RP1: variants seen among roughly 807,000 people sequenced by gnomAD.
RP1 encodes the protein oxygen-regulated protein 1.
RP1 carries 16 observed loss-of-function variants against 14.8 expected under a neutral mutation model. The ratio of observed to expected loss-of-function variants is 1.08; its 90% CI spans 0.73 to 1.65. The LOEUF (loss-of-function observed/expected upper bound fraction) is 1.65. Ranked by LOEUF, RP1 falls within the 40% of genes most tolerant of loss-of-function variation. RP1 has a pLI of 0.00. For synonymous variants in RP1, 876 were observed against 883.6 expected (o/e 0.99, Z 0.15); for missense variants, 2,631 against 2,535.0 (o/e 1.04, Z -0.81).
rs540337935 is a variant in RP1 at position 54,840,321 on chromosome 8, C to T, written c.3835+2652C>T. ...AGGCTGGAGTGCAGTGGCATGATCT[C>T]GGCTCACTGCAACATCTGCCTCCTA... On this transcript the variant is annotated intron_variant, in intron 25 of 28. Transcript: ENST00000637698. Among the ~76,000 whole-genome samples the T allele has an allele frequency of 7.2e-5, 11 of 151,786 alleles. No homozygotes were observed. The East Asian group carries it at 1.4e-3, about 19-fold the overall frequency.
intron 1 of RP1, among the ~76,000 whole-genome samples, chr8:54,601,477 A>T (rs1407453731): frequency 6.6e-6 from 1 of 151,930 alleles, no homozygotes; most frequent in Non-Finnish European, 1.5e-5. Flanking sequence ...ATGCTAGATG[A>T]CGAGTTAGTG....
At chr8:54,833,702 T>C (rs953470967) in intron 24 of RP1, among the ~76,000 whole-genome samples, 1 of 152,058 alleles carries the variant, frequency 6.6e-6, no homozygotes, top group South Asian at 2.1e-4. Context: ...CGTAATGAAA[T>C]ATAAGCCATA....
intron 23 of RP1, among the ~76,000 whole-genome samples, chr8:54,775,729 T>C (rs1810019414): frequency 6.6e-6 from 1 of 152,236 alleles, no homozygotes; most frequent in South Asian, 2.1e-4. Context: ...TTAGGATAGT[T>C]CGTTATGCAG....
At chr8:54,682,653 T>C (rs1807463590) in intron 12 of RP1, among the ~76,000 whole-genome samples, 1 of 152,164 alleles carries the variant, frequency 6.6e-6, no homozygotes, top group African/African-American at 2.4e-5. Flanking sequence ...ATGGGTTTTT[T>C]TTTCTTGTAA....
intron 12 of RP1, among the ~76,000 whole-genome samples, chr8:54,685,980 A>T (rs1807555572): frequency 6.6e-6 from 1 of 152,200 alleles, no homozygotes; most frequent in Non-Finnish European, 1.5e-5. Context: ...AGCAGCCATC[A>T]CCAACTGCTA....
intron 27 of RP1, among the ~76,000 whole-genome samples, chr8:54,861,138 T>C (rs978534682): frequency 1.3e-5 from 2 of 152,212 alleles, no homozygotes; most frequent in East Asian, 1.9e-4. Flanking sequence ...CCAGGTTACG[T>C]TCTTTTCCCA....
In RP1 at chr8:54,755,771, G is replaced by C; in HGVS notation, c.3093+1G>C. On this transcript the variant is annotated splice_donor_variant, in intron 21 of 22. Transcript: ENST00000636932. LOFTEE classifies it high-confidence loss of function. ...GCAAGTAAAATTTCAAAGAGGACAG[G>C]TGAGTCTATACAAATAATTTCCCAG... 1 of 1,508,892 alleles carries C rather than the reference G, an allele frequency of 6.6e-7. No homozygotes were observed. The highest frequency in any genetic ancestry group is 8.8e-7 in the Non-Finnish European group (1 of 1,132,102). 93.5% of individuals were successfully genotyped at this position (1,508,892 alleles called of 1,614,324 possible).
At position 54,715,697 on chromosome 8, in the gene RP1, C is replaced by G. The variant is rs896323849; in HGVS notation, c.2212-4432C>G. ...AGAGCAAGAGAATAATTCCACTTTT[C>G]TTTATCAAAGAGAGGAGAGGACATT... On this transcript the variant is annotated intron_variant, in intron 15 of 22. Coordinates refer to the RP1 transcript ENST00000636932. 2.7e-4 allele frequency among the ~76,000 whole-genome samples: 41 copies of G among 152,086 alleles called. 1 individual carries two copies. Among genetic ancestry groups the G allele is most frequent in the Admixed American group, 2.6e-3 (39 of 15,260 alleles).
chr8:54,585,858 A>C (rs968403505), intron 1 of RP1, among the ~76,000 whole-genome samples: 1 of 152,152 alleles, frequency 6.6e-6, no homozygotes, highest in Non-Finnish European at 1.5e-5. Context: ...CAGGTCCTTT[A>C]AGGACTTCTC....
chr8:54,722,378 C>T (rs1312751384), intron 16 of RP1, among the ~76,000 whole-genome samples: 3 of 151,740 alleles, frequency 2.0e-5, no homozygotes, highest in South Asian at 4.2e-4. Flanking sequence ...TCACGCCATT[C>T]CCCTGCCTCA....
intron 28 of RP1, among the ~76,000 whole-genome samples, chr8:54,866,861 C>T (rs1480726426): frequency 1.3e-5 from 2 of 152,124 alleles, no homozygotes; most frequent in African/African-American, 2.4e-5. Flanking sequence ...ATTGCATGTT[C>T]CTTGAATCTA....
intron 12 of RP1, chr8:54,696,676 C>A (rs1585615034): frequency 1.3e-6 from 1 of 781,142 alleles, no homozygotes; most frequent in Non-Finnish European, 2.1e-6. Context: ...TTGTACGCAT[C>A]AAAAGGATTG....
chr8:54,746,564 T>C (rs867994362), intron 19 of RP1, among the ~76,000 whole-genome samples: 1 of 152,218 alleles, frequency 6.6e-6, no homozygotes. Context: ...CATAGACAGA[T>C]AGTAATTAAC....
At chr8:54,706,369 T>C in intron 14 of RP1, 1 of 1,426,092 alleles carries the variant, frequency 7.0e-7, no homozygotes, top group Non-Finnish European at 9.5e-7. Flanking sequence ...GAGAATTGCC[T>C]CTATAGTTGT....
chr8:54,675,407 G>A (rs546826420), intron 8 of RP1, among the ~76,000 whole-genome samples: 1 of 152,274 alleles, frequency 6.6e-6, no homozygotes, highest in East Asian at 1.9e-4. Flanking sequence ...GAAATGAAAA[G>A]AAGATAGGAT....
At position 54,583,360 on chromosome 8, in the gene RP1, G is replaced by A. The variant is rs563547246; in HGVS notation, c.-13+24040G>A. Among the ~76,000 whole-genome samples, 298 of 152,238 alleles carry A rather than the reference G, an allele frequency of 2.0e-3. 2 individuals are homozygous for A. The highest frequency in any genetic ancestry group is 6.3e-3 in the African/African-American group (263 of 41,556). On this transcript the variant is annotated intron_variant, in intron 1 of 22. Coordinates refer to the RP1 transcript ENST00000636932. ...TCCCAGGGATGAAGCCCACTTGATT[G>A]TGGTGGATAAGCTTTTTGATGTGCT...
At chr8:54,604,154 G>A (rs1452492872) in intron 1 of RP1, among the ~76,000 whole-genome samples, 1 of 152,140 alleles carries the variant, frequency 6.6e-6, no homozygotes, top group African/African-American at 2.4e-5. Flanking sequence ...TGCCCATTCA[G>A]TATGATATTG....
At position 54,629,265 on chromosome 8, in the gene RP1, C is replaced by G; in HGVS notation, c.5383C>G (p.Pro1795Ala). ...YSHFGNLAPG[P>A]TMDELSSSEL... The stretch of plus-strand genomic sequence containing the variant: ...ACATTTTGGTAATTTGGCCCCAGGC[C>G]CAACGATGGATGAACTCTCCTCTTC... Residue 1795 changes from proline to alanine, a missense_variant, in exon 4 of 4, where the codon CCA (proline) becomes GCA (alanine). Physicochemically the swap from Pro to Ala is conservative, Grantham distance 27 (BLOSUM62 -1). Transcript: ENST00000220676. 6.2e-7 allele frequency: 1 copy of G among 1,613,686 alleles called. No individual in the cohort carries two copies. The highest frequency in any genetic ancestry group is 8.5e-7 in the Non-Finnish European group (1 of 1,179,792).
In RP1 at chr8:54,734,762, TA is replaced by T. The variant is rs764641115; in HGVS notation, c.2721+20del. 12 of 1,514,648 alleles carry T rather than the reference TA, an allele frequency of 7.9e-6. No individual in the cohort carries two copies. In the South Asian group the frequency reaches 1.5e-4, roughly 19 times the overall value. The allele number at this position is 1,514,648 out of a possible 1,614,324, so 93.8% of individuals were successfully genotyped here. ...AGTTTCAGGTAAACAACACTGGCAG[TA>T]ATATTTTCCTGTGAACATTTCAAAG... On this transcript the variant is annotated intron_variant, in intron 18 of 22. Transcript: ENST00000636932.
Sources: gnomAD v4.1 joint callset for allele counts (sites outside exome capture counted in the v4.1 genomes callset) on GRCh38, gnomAD v4.1.1 for gene constraint, MANE v1.5 for transcripts, NCBI Gene and HGNC (gene_info 2026-07-23, HGNC 2026-07-21) for gene names.